Variants in CNOT6 observed in about 807,000 individuals in gnomAD.
CNOT6 encodes carbon catabolite repression 4 protein.
CNOT6 carries 12 observed loss-of-function variants against 61.2 expected under a neutral mutation model. The observed-to-expected ratio is 0.20, with a 90% CI of 0.13 to 0.32. CNOT6 has a LOEUF of 0.32. Ranked by LOEUF, CNOT6 falls within the 10% of genes least tolerant of loss-of-function variation. The probability of loss-of-function intolerance (pLI) is 1.00; values close to 1 mark genes in which losing one functional copy is unlikely to be tolerated. For synonymous variants in CNOT6, 225 were observed against 240.6 expected (o/e 0.94, Z 0.60); for missense variants, 405 against 663.9 (o/e 0.61, Z 4.28).
At chr5:180,527,484 G>A (rs931469146) in intron 1 of CNOT6, among the ~76,000 whole-genome samples, 1 of 152,162 alleles carries the variant, frequency 6.6e-6, no homozygotes, top group African/African-American at 2.4e-5. Flanking sequence ...ATAAGCAAGT[G>A]TAACGTTCTG....
chr5:180,570,099 C>T (rs111227072), intron 10 of CNOT6, among the ~76,000 whole-genome samples: 2,893 of 152,156 alleles, frequency 0.019, 39 homozygotes, highest in Non-Finnish European at 0.027. Context: ...GGCTCACGCC[C>T]GTAATCCCAG....
In CNOT6 at chr5:180,577,161, A is replaced by T. The variant is rs1761038451; in HGVS notation, c.*2961A>T. 1 of 48,638 alleles carries T rather than the reference A, an allele frequency of 2.1e-5. No individual in the cohort carries two copies. The highest frequency in any genetic ancestry group is 3.0e-4 in the Admixed American group (1 of 3,378). The allele number at this position is 48,638 out of a possible 1,614,324, so 3.0% of individuals were successfully genotyped here. ...AAAGATAGGCAGAGAACATCTCCAG[A>T]AATGTGTGTGTGTGTGTGTGTGTGT... On this transcript the variant is annotated 3_prime_UTR_variant, in exon 12 of 12. Coordinates refer to ENST00000261951, the MANE Select transcript of CNOT6 (RefSeq NM_001370472.1).
chr5:180,526,589 A>G (rs2127718340), intron 1 of CNOT6, among the ~76,000 whole-genome samples: 1 of 152,202 alleles, frequency 6.6e-6, no homozygotes, highest in Middle Eastern at 3.4e-3. Context: ...TAGACTAGGA[A>G]TTTACAGTAT....
chr5:180,560,897 G>T (rs150540869), intron 4 of CNOT6, among the ~76,000 whole-genome samples: 1 of 152,088 alleles, frequency 6.6e-6, no homozygotes, highest in South Asian at 2.1e-4. Flanking sequence ...AAGCCCCAGA[G>T]ACTTTGTTCT....
At chr5:180,514,897 G>A (rs1415004226) in intron 1 of CNOT6, among the ~76,000 whole-genome samples, 2 of 152,100 alleles carry the variant, frequency 1.3e-5, no homozygotes, top group East Asian at 1.9e-4. Context: ...GTTCATTAGC[G>A]TAATTTGCTA....
At chr5:180,508,095 A>T (rs1757213238) in intron 1 of CNOT6, among the ~76,000 whole-genome samples, 1 of 119,382 alleles carries the variant, frequency 8.4e-6, no homozygotes, top group Non-Finnish European at 2.0e-5. Flanking sequence ...GGTGGAGGAA[A>T]GACTATGGGT....
At chr5:180,566,753 G>C (rs2127763340) in intron 7 of CNOT6, among the ~76,000 whole-genome samples, 2 of 148,548 alleles carry the variant, frequency 1.3e-5, no homozygotes, top group South Asian at 4.2e-4. Context: ...TCCGCCTCCT[G>C]GGTTCAAGTG....
Position 180,501,801 on chromosome 5 carries a change from A to G in CNOT6, c.-3+7038A>G, listed in dbSNP as rs146265854. ...GGGCAGAACAGGAGAGAGTAACGCT[A>G]CAGATGCCGAGAGAGGTCATAGTGC... On this transcript the variant is annotated intron_variant, in intron 1 of 11. Transcript: ENST00000261951. 7.5e-4 allele frequency among the ~76,000 whole-genome samples: 114 copies of G among 152,350 alleles called. No individual in the cohort carries two copies. In the South Asian group the frequency reaches 8.9e-3, roughly 12 times the overall value.
At chr5:180,542,657 A>G (rs1316343404) in intron 2 of CNOT6, among the ~76,000 whole-genome samples, 1 of 152,214 alleles carries the variant, frequency 6.6e-6, no homozygotes, top group Non-Finnish European at 1.5e-5. Context: ...AGTGTTTGCT[A>G]ATCACCCACG....
chr5:180,532,917 G>A (rs1299916351), intron 2 of CNOT6, among the ~76,000 whole-genome samples: 1 of 152,202 alleles, frequency 6.6e-6, no homozygotes, highest in Non-Finnish European at 1.5e-5. Flanking sequence ...AGGGGAAAAA[G>A]TGCAGTGTCC....
intron 4 of CNOT6, 65 bp from the exon 5 acceptor site, chr5:180,564,420 GATAC>G: frequency 2.0e-6 from 2 of 1,000,534 alleles, no homozygotes; most frequent in Non-Finnish European, 3.1e-6. Context: ...TGATAATTTT[GATAC>G]ATTTTAAAAT....
intron 2 of CNOT6, among the ~76,000 whole-genome samples, chr5:180,541,440 A>ATTTTTT (rs1176286473): frequency 0.076 from 7,773 of 102,130 alleles, 1,451 homozygotes; most frequent in Non-Finnish European, 0.1. Flanking sequence ...CTGGCCAAGA[A>ATTTTTT]ATTTTTTTTT....
intron 11 of CNOT6, among the ~76,000 whole-genome samples, 163 bp from the exon 12 acceptor site, chr5:180,573,825 G>A (rs1276473823): frequency 6.6e-6 from 1 of 152,064 alleles, no homozygotes; most frequent in Non-Finnish European, 1.5e-5. Flanking sequence ...CATTTTGCAC[G>A]GGGACCATTT....
At chr5:180,514,098 G>T (rs1377641313) in intron 1 of CNOT6, among the ~76,000 whole-genome samples, 1 of 151,618 alleles carries the variant, frequency 6.6e-6, no homozygotes, top group South Asian at 2.1e-4. Flanking sequence ...AATGTGCTGG[G>T]ATTACAGGTT....
At chr5:180,523,676 T>C (rs1757969692) in intron 1 of CNOT6, among the ~76,000 whole-genome samples, 1 of 152,186 alleles carries the variant, frequency 6.6e-6, no homozygotes, top group African/African-American at 2.4e-5. Flanking sequence ...TTACTTCATA[T>C]TCTGCTAAGT....
chr5:180,566,640 CTTTTTTTTTTTTTTT>C (rs70973940), intron 7 of CNOT6, among the ~76,000 whole-genome samples: 1 of 75,592 alleles, frequency 1.3e-5, no homozygotes. Context: ...AAAGATGTTA[CTTTTTTTTTTTTTTT>C]TTTTTTTTTT....
At position 180,529,486 on chromosome 5, in the gene CNOT6, ATT is replaced by A; in HGVS notation, c.112+101_112+102del. The A allele has an allele frequency of 7.0e-6, 5 of 711,256 alleles. No homozygotes were observed. The South Asian group carries it at 8.5e-5, about 12-fold the overall frequency. The allele number at this position is 711,256 out of a possible 1,614,324, so 44.1% of individuals were successfully genotyped here. A position where few individuals can be genotyped will look rare whatever the true frequency, so the allele number is the denominator to read the frequency against. ...TACAGGAAAGAAACATTGATTTTAT[ATT>A]TTACAAATGTAATGTATTTATAAAT... On this transcript the variant is annotated intron_variant, in intron 2 of 11. Transcript: ENST00000261951.
rs1455338695 is a variant in CNOT6, at chr5:180,556,313, T to C, written c.385+2842T>C. On this transcript the variant is annotated intron_variant, in intron 4 of 11. Transcript: ENST00000261951. ...GAGGTGTTGGTCAGAGGGTGCGCAG[T>C]TTCATTTACACAGGGGGAATAGGTC... Among the ~76,000 whole-genome samples, 4 of 152,274 alleles carry C rather than the reference T, an allele frequency of 2.6e-5. No individual in the cohort carries two copies. In the South Asian group the frequency reaches 8.3e-4, roughly 32 times the overall value.
chr5:180,573,858 T>C (rs1760887720), intron 11 of CNOT6, 130 bp from the exon 12 acceptor site: 1 of 667,650 alleles, frequency 1.5e-6, no homozygotes, highest in Non-Finnish European at 2.7e-6. Flanking sequence ...ACAGACCTCA[T>C]CCTACAAGCT....
Sources: allele counts gnomAD v4.1 joint callset (sites outside exome capture counted in the v4.1 genomes callset), GRCh38; gene constraint gnomAD v4.1.1; transcripts MANE v1.5; gene names NCBI Gene and HGNC (gene_info 2026-07-23, HGNC 2026-07-21).